The following GRID2 variants were observed in gnomAD, a reference collection of about 807,000 sequenced individuals.
GRID2 encodes the protein glutamate ionotropic receptor delta type subunit 2.
In GRID2, 33 loss-of-function variants were observed where a neutral mutation model predicts 114.8. That is an observed-to-expected ratio of 0.29 (90% confidence interval 0.22 to 0.38). GRID2 has a LOEUF of 0.38. Ranked by LOEUF, GRID2 falls within the 10% of genes least tolerant of loss-of-function variation. The pLI is 1.00. For missense variants in GRID2, 1,184 were observed against 1,257.7 expected, an observed-to-expected ratio of 0.94 and a Z score of 0.89; for synonymous variants, 505 against 449.9, an observed-to-expected ratio of 1.12 and a Z score of -1.55.
chr4:92,320,458 G>T (rs955924096), intron 1 of GRID2, among the ~76,000 whole-genome samples: 1 of 151,888 alleles, frequency 6.6e-6, no homozygotes, highest in Admixed American at 6.6e-5. Context: ...AATTAATTTC[G>T]AATAATATTA....
chr4:92,849,474 G>A (rs1743594588), intron 2 of GRID2, among the ~76,000 whole-genome samples: 2 of 151,832 alleles, frequency 1.3e-5, no homozygotes, highest in African/African-American at 2.4e-5. Context: ...CAGGTAAAAG[G>A]CATGACTTGG....
intron 2 of GRID2, among the ~76,000 whole-genome samples, chr4:92,931,736 C>T (rs1361530724): frequency 6.7e-6 from 1 of 150,058 alleles, no homozygotes; most frequent in Admixed American, 6.7e-5. Context: ...TTTTATAATG[C>T]TACTGCTTCT....
intron 2 of GRID2, among the ~76,000 whole-genome samples, chr4:92,942,087 A>G (rs1751188377): frequency 6.6e-6 from 1 of 152,058 alleles, no homozygotes; most frequent in Admixed American, 6.6e-5. Context: ...TATTAGGTCT[A>G]CTTGGTGCAG....
At chr4:92,979,794 GT>G (rs1436627635) in intron 2 of GRID2, among the ~76,000 whole-genome samples, 2 of 152,154 alleles carry the variant, frequency 1.3e-5, no homozygotes, top group Admixed American at 1.3e-4. Flanking sequence ...CACATTGCTT[GT>G]GCATTTTGTT....
intron 2 of GRID2, among the ~76,000 whole-genome samples, chr4:92,605,741 T>C (rs978464623): frequency 1.3e-5 from 2 of 152,094 alleles, no homozygotes; most frequent in Non-Finnish European, 2.9e-5. Context: ...ACACTCAAAT[T>C]TTTATTCTGT....
At chr4:92,990,214 G>C (rs1246181150) in intron 2 of GRID2, among the ~76,000 whole-genome samples, 1 of 131,890 alleles carries the variant, frequency 7.6e-6, no homozygotes, top group African/African-American at 2.7e-5. Flanking sequence ...GTGTGTGTGT[G>C]TGTGTGTGTG....
intron 8 of GRID2, among the ~76,000 whole-genome samples, chr4:93,256,990 A>G (rs2149541100): frequency 6.6e-6 from 1 of 152,060 alleles, no homozygotes; most frequent in African/African-American, 2.4e-5. Context: ...CATCTAATTT[A>G]ATATTATTTG....
intron 3 of GRID2, among the ~76,000 whole-genome samples, chr4:93,103,030 C>T (rs78072794): frequency 0.025 from 3,733 of 152,066 alleles, 98 homozygotes; most frequent in Admixed American, 0.066. Flanking sequence ...TGTCCTGTGC[C>T]ACCAAAATCC....
intron 1 of GRID2, among the ~76,000 whole-genome samples, chr4:92,584,720 A>G (rs559236779): frequency 1.6e-4 from 25 of 152,100 alleles, no homozygotes; most frequent in African/African-American, 5.5e-4. Context: ...ATATGCACAC[A>G]CATATATGTA....
At chr4:93,263,298 A>T (rs923479868) in intron 8 of GRID2, among the ~76,000 whole-genome samples, 1 of 151,932 alleles carries the variant, frequency 6.6e-6, no homozygotes, top group African/African-American at 2.4e-5. Context: ...CACTTTCCTT[A>T]TGATTTCTTC....
intron 4 of GRID2, among the ~76,000 whole-genome samples, chr4:93,131,675 A>G (rs1381910973): frequency 6.6e-6 from 1 of 151,908 alleles, no homozygotes; most frequent in Non-Finnish European, 1.5e-5. Context: ...TATGGGGTAC[A>G]TATGGTATTT....
chr4:92,445,710 G>T (rs749193376), intron 1 of GRID2, among the ~76,000 whole-genome samples: 18 of 152,292 alleles, frequency 1.2e-4, no homozygotes, highest in African/African-American at 4.1e-4. Flanking sequence ...TAGCCCCATC[G>T]TGGTGTGGTT....
Position 92,480,210 on chromosome 4 carries a change from G to A in GRID2, c.89-109921G>A, listed in dbSNP as rs926260733. ...TAAGAAACCATCAGGATCTAGAAAG[G>A]AAAGAAATGGAATGAGAATTAAATA... On this transcript the variant is annotated intron_variant, in intron 1 of 15. Transcript: ENST00000282020. 6.2e-4 allele frequency among the ~76,000 whole-genome samples: 95 copies of A among 152,178 alleles called. 1 individual carries two copies. The highest frequency in any genetic ancestry group is 5.8e-3 in the Admixed American group (88 of 15,262).
At chr4:93,638,271 T>C (rs1013974543) in intron 14 of GRID2, among the ~76,000 whole-genome samples, 1 of 151,474 alleles carries the variant, frequency 6.6e-6, no homozygotes, top group Non-Finnish European at 1.5e-5. Context: ...TGTATGTTGC[T>C]GCCTAAGAAA....
chr4:92,746,529 C>T (rs1464971409), intron 2 of GRID2, among the ~76,000 whole-genome samples: 1 of 151,924 alleles, frequency 6.6e-6, no homozygotes, highest in Admixed American at 6.6e-5. Context: ...GATGTGTTTA[C>T]CTGAAAGCAA....
intron 8 of GRID2, among the ~76,000 whole-genome samples, chr4:93,384,620 G>A (rs1208300582): frequency 6.6e-6 from 1 of 152,132 alleles, no homozygotes; most frequent in Non-Finnish European, 1.5e-5. Flanking sequence ...AACCAGCATA[G>A]TAGGTATTTA....
intron 14 of GRID2, among the ~76,000 whole-genome samples, chr4:93,730,779 C>T (rs1001235799): frequency 1.3e-5 from 2 of 152,170 alleles, no homozygotes; most frequent in Non-Finnish European, 1.5e-5. Context: ...CCCTTTCTTC[C>T]CTGTAAGGTG....
chr4:93,583,821 A>G (rs889317362), intron 13 of GRID2, among the ~76,000 whole-genome samples: 1 of 152,186 alleles, frequency 6.6e-6, no homozygotes, highest in African/African-American at 2.4e-5. Context: ...GCAATTGACA[A>G]CTAATACATA....
intron 14 of GRID2, among the ~76,000 whole-genome samples, chr4:93,647,683 G>T (rs75152506): frequency 0.025 from 3,792 of 152,234 alleles, 84 homozygotes; most frequent in Non-Finnish European, 0.04. Flanking sequence ...ATCCACACAA[G>T]AATATATACT....
Sources: allele counts gnomAD v4.1 joint callset (sites outside exome capture counted in the v4.1 genomes callset), GRCh38; gene constraint gnomAD v4.1.1; transcripts MANE v1.5; gene names NCBI Gene and HGNC (gene_info 2026-07-23, HGNC 2026-07-21).